Variants in RASGRF2 observed in about 807,000 individuals in gnomAD.
The protein encoded by RASGRF2 is ras-specific guanine nucleotide-releasing factor 2.
Under a neutral mutation model 151.0 loss-of-function variants are expected in RASGRF2, and 76 were observed. The ratio of observed to expected loss-of-function variants is 0.50; its 90% CI spans 0.42 to 0.61. RASGRF2 has a LOEUF of 0.61. Ranked by LOEUF, RASGRF2 falls within the 20% of genes least tolerant of loss-of-function variation. The pLI is 0.00. For synonymous variants in RASGRF2, 504 were observed against 566.5 expected (o/e 0.89, Z 1.57); for missense variants, 1,148 against 1,564.6 (o/e 0.73, Z 4.49).
chr5:81,127,023 A>G (rs1320234565), intron 16 of RASGRF2, 51 bp from the exon 17 acceptor site: 2 of 1,574,512 alleles, frequency 1.3e-6, no homozygotes, highest in Admixed American at 1.7e-5. Flanking sequence ...TTGTTACAGA[A>G]TATTATCCAT....
At chr5:81,069,293 A>G (rs535568613) in intron 3 of RASGRF2, among the ~76,000 whole-genome samples, 2 of 152,360 alleles carry the variant, frequency 1.3e-5, no homozygotes, top group South Asian at 4.1e-4. Flanking sequence ...GGTGTTCACC[A>G]TATTATTACA....
intron 4 of RASGRF2, among the ~76,000 whole-genome samples, chr5:81,072,789 C>A (rs966350128): frequency 1.3e-5 from 2 of 152,192 alleles, no homozygotes; most frequent in Non-Finnish European, 2.9e-5. Context: ...TCAAGTGATC[C>A]TCTCACCTTA....
At chr5:80,982,500 T>G (rs1748334011) in intron 1 of RASGRF2, among the ~76,000 whole-genome samples, 1 of 151,804 alleles carries the variant, frequency 6.6e-6, no homozygotes, top group Non-Finnish European at 1.5e-5. Context: ...AGGTTCAAGT[T>G]GGTAATAATG....
chr5:81,189,748 TG>T (rs1483955325), intron 18 of RASGRF2, among the ~76,000 whole-genome samples: 1 of 145,792 alleles, frequency 6.9e-6, no homozygotes, highest in African/African-American at 2.5e-5. Context: ...AGTCTCGCTC[TG>T]TCTCCATGCT....
intron 25 of RASGRF2, among the ~76,000 whole-genome samples, chr5:81,218,773 G>T (rs925698699): frequency 1.3e-5 from 2 of 152,170 alleles, no homozygotes; most frequent in African/African-American, 4.8e-5. Flanking sequence ...CATTGAATTT[G>T]TAGATTGCTT....
chr5:80,995,689 C>CCG (rs1196652170), intron 1 of RASGRF2, among the ~76,000 whole-genome samples: 1 of 126,456 alleles, frequency 7.9e-6, no homozygotes, highest in Non-Finnish European at 1.7e-5. Flanking sequence ...TTCCTTCCCC[C>CCG]CCCCTTTTTT....
chr5:81,096,834 C>A (rs982063242), intron 12 of RASGRF2, among the ~76,000 whole-genome samples: 10 of 151,990 alleles, frequency 6.6e-5, no homozygotes, highest in African/African-American at 2.4e-4. Context: ...ATACAACTTC[C>A]TCCTTATTTC....
At chr5:80,982,347 T>C (rs1032119210) in intron 1 of RASGRF2, among the ~76,000 whole-genome samples, 4 of 152,106 alleles carry the variant, frequency 2.6e-5, no homozygotes, top group African/African-American at 9.7e-5. Context: ...GCTATACATA[T>C]TCTTGGAAGG....
intron 18 of RASGRF2, among the ~76,000 whole-genome samples, chr5:81,197,120 G>A (rs952784580): frequency 2.4e-4 from 36 of 152,202 alleles, no homozygotes; most frequent in Non-Finnish European, 3.5e-4. Context: ...GGGCCCCAGT[G>A]GCTCTTGTTT....
Position 81,181,844 on chromosome 5 carries a change from C to T in RASGRF2, c.2793+1563C>T, listed in dbSNP as rs141924524. 2.9e-3 allele frequency among the ~76,000 whole-genome samples: 435 copies of T among 152,244 alleles called. 4 individuals carry two copies. Among genetic ancestry groups the T allele is most frequent in the African/African-American group, 9.8e-3 (407 of 41,540 alleles). ...TCACCTTACTTCCCTTTTCTCAATC[C>T]CCAGTGCCCTCTTTTTCTAATTATC... is the stretch of plus-strand genomic sequence containing the variant. On this transcript the variant is annotated intron_variant, in intron 18 of 26. Transcript: ENST00000265080.
chr5:81,028,244 A>G, intron 1 of RASGRF2, among the ~76,000 whole-genome samples: 1 of 152,212 alleles, frequency 6.6e-6, no homozygotes, highest in Non-Finnish European at 1.5e-5. Context: ...TGCACATCAT[A>G]AATTTTAATT....
At chr5:81,059,881 C>A (rs1244384143) in intron 2 of RASGRF2, among the ~76,000 whole-genome samples, 3 of 151,996 alleles carry the variant, frequency 2.0e-5, no homozygotes, top group Admixed American at 6.6e-5. Flanking sequence ...CAACCTGAGG[C>A]TGGGTAATTT....
At chr5:80,971,205 C>T (rs1747920112) in intron 1 of RASGRF2, among the ~76,000 whole-genome samples, 1 of 152,192 alleles carries the variant, frequency 6.6e-6, no homozygotes, top group African/African-American at 2.4e-5. Flanking sequence ...GATCAGCCCT[C>T]CAGAGCTAAC....
In RASGRF2 at chr5:81,033,506, C is replaced by T. The variant is rs998082906; in HGVS notation, c.289-9371C>T. Among the ~76,000 whole-genome samples the T allele has an allele frequency of 1.9e-4, 27 of 142,868 alleles. No individual in the cohort carries two copies. In the East Asian group the frequency reaches 3.8e-3, roughly 20 times the overall value. The allele number at this position is 142,868 out of a possible 152,430, so 93.7% of individuals were successfully genotyped here. A position where few individuals can be genotyped will look rare whatever the true frequency, so the allele number is the denominator to read the frequency against. On this transcript the variant is annotated intron_variant, in intron 1 of 26. Transcript: ENST00000265080. ...AGAAATAATACCCCACATCTACAAC[C>T]ATCTGATCTTTGACAAACCTGACAA...
chr5:81,056,955 G>C (rs1272216151), intron 2 of RASGRF2, among the ~76,000 whole-genome samples: 1 of 152,056 alleles, frequency 6.6e-6, no homozygotes, highest in Admixed American at 6.5e-5. Context: ...TGCAACCCCT[G>C]CCTTTTTTTG....
rs143716469 is a variant in RASGRF2, at chr5:81,153,925, G to C, written c.2687-26250G>C. Among the ~76,000 whole-genome samples the C allele has an allele frequency of 7.2e-4, 101 of 139,354 alleles. 3 individuals are homozygous for C. In the East Asian group the frequency reaches 0.02, roughly 27 times the overall value. The allele number at this position is 139,354 out of a possible 152,430, so 91.4% of individuals were successfully genotyped here. A position where few individuals can be genotyped will look rare whatever the true frequency, so the allele number is the denominator to read the frequency against. ...CTGGAGTGGCTCTACTGATAAAATA[G>C]ACTGTAAGACCAAAAAAAAAAAAAA... On this transcript the variant is annotated intron_variant, in intron 17 of 26. Coordinates refer to ENST00000265080, the MANE Select transcript of RASGRF2 (RefSeq NM_006909.3).
chr5:81,040,792 C>T (rs1193807317), intron 1 of RASGRF2, among the ~76,000 whole-genome samples: 1 of 152,208 alleles, frequency 6.6e-6, no homozygotes, highest in Non-Finnish European at 1.5e-5. Flanking sequence ...TTTCCCTCAG[C>T]TTGGTTTACT....
intron 19 of RASGRF2, among the ~76,000 whole-genome samples, chr5:81,206,364 C>G (rs1428198338): frequency 6.6e-6 from 1 of 152,174 alleles, no homozygotes; most frequent in Non-Finnish European, 1.5e-5. Flanking sequence ...CACATAGGAA[C>G]CCCCTGTGCT....
chr5:81,064,758 A>G (rs1266712458), intron 2 of RASGRF2, among the ~76,000 whole-genome samples: 1 of 152,186 alleles, frequency 6.6e-6, no homozygotes, highest in Non-Finnish European at 1.5e-5. Flanking sequence ...GTATAATTCT[A>G]TACCCTTTAG....
Sources: allele counts gnomAD v4.1 joint callset (sites outside exome capture counted in the v4.1 genomes callset), GRCh38; gene constraint gnomAD v4.1.1; transcripts MANE v1.5; gene names NCBI Gene and HGNC (gene_info 2026-07-23, HGNC 2026-07-21).